The following KIAA1958 variants were observed in gnomAD, a reference collection of about 807,000 sequenced individuals.
KIAA1958 encodes uncharacterized protein KIAA1958.
A neutral mutation model predicts 47.2 loss-of-function variants in KIAA1958; 14 were observed. The observed-to-expected ratio is 0.30, with a 90% confidence interval of 0.20 to 0.46. KIAA1958 has a LOEUF of 0.46. Ranked by LOEUF, KIAA1958 falls within the 20% of genes least tolerant of loss-of-function variation. KIAA1958 has a pLI of 1.00. For synonymous variants in KIAA1958, 354 were observed against 353.3 expected (o/e 1.00, Z -0.02); for missense variants, 803 against 909.2 (o/e 0.88, Z 1.50).
chr9:112,536,937 A>G (rs7861352), intron 1 of KIAA1958, among the ~76,000 whole-genome samples: 151,204 of 152,258 alleles, frequency 0.99, 75,080 homozygotes, highest in East Asian at 1. Flanking sequence ...ATCTCAAATA[A>G]GAACAAGAAA....
chr9:112,528,108 C>G (rs760594170), intron 1 of KIAA1958, among the ~76,000 whole-genome samples: 3 of 152,144 alleles, frequency 2.0e-5, no homozygotes, highest in Non-Finnish European at 4.4e-5. Context: ...CAACCTTATA[C>G]TTGATCATTC....
intron 1 of KIAA1958, among the ~76,000 whole-genome samples, chr9:112,548,608 C>T (rs1474530255): frequency 2.0e-5 from 3 of 152,154 alleles, no homozygotes; most frequent in Non-Finnish European, 2.9e-5. Flanking sequence ...TTTTGAGCTA[C>T]TAGATTGTAA....
At chr9:112,522,895 T>C (rs1834574051) in intron 1 of KIAA1958, among the ~76,000 whole-genome samples, 1 of 152,226 alleles carries the variant, frequency 6.6e-6, no homozygotes, top group East Asian at 1.9e-4. Context: ...GACATCTACC[T>C]CTTGGGTTAC....
intron 1 of KIAA1958, among the ~76,000 whole-genome samples, chr9:112,528,591 T>TG (rs1415787409): frequency 6.6e-6 from 1 of 152,168 alleles, no homozygotes; most frequent in African/African-American, 2.4e-5. Flanking sequence ...GGCATGATCT[T>TG]GGCTCACTGC....
chr9:112,602,477 C>G (rs1214464479), intron 2 of KIAA1958, among the ~76,000 whole-genome samples: 1 of 152,060 alleles, frequency 6.6e-6, no homozygotes, highest in African/African-American at 2.4e-5. Flanking sequence ...AGTACAGTAC[C>G]TAATAGACAA....
intron 2 of KIAA1958, among the ~76,000 whole-genome samples, chr9:112,581,219 A>G (rs530876412): frequency 2.6e-5 from 4 of 152,212 alleles, no homozygotes; most frequent in Non-Finnish European, 4.4e-5. Context: ...TCTGCCTGTC[A>G]GGGTTATTGT....
rs747065793 is a variant in KIAA1958, at chr9:112,574,667, A to G, written c.587A>G (p.Asn196Ser). ...ACGCAGATGGTTGACGAATGCAGCAATGATGTCATCATCAAGAAAATCAAA... is the reference window on the plus strand; with the variant it reads ...ACGCAGATGGTTGACGAATGCAGCAGTGATGTCATCATCAAGAAAATCAAA... Reference protein sequence around the residue: ...SQTQMVDECSNDVIIKKIKQE... With the variant: ...SQTQMVDECSSDVIIKKIKQE... The change falls in exon 2 of 4, where the codon AAT becomes AGT. Residue 196 changes from asparagine to serine, a missense_variant. Around this residue, in one of 2 missense-constraint regions of KIAA1958, gnomAD observed 761 missense variants for 829.3 expected, o/e 0.92. Transcript: ENST00000337530. 6 of 1,614,178 alleles carry G rather than the reference A, an allele frequency of 3.7e-6. No homozygotes were observed. The highest frequency in any genetic ancestry group is 5.1e-6 in the Non-Finnish European group (6 of 1,180,024).
At chr9:112,636,364 G>A (rs1010561072) in intron 2 of KIAA1958, among the ~76,000 whole-genome samples, 1 of 151,968 alleles carries the variant, frequency 6.6e-6, no homozygotes, top group East Asian at 1.9e-4. Flanking sequence ...CTGAAGTTGT[G>A]TGTGTTGTTC....
chr9:112,565,987 T>A (rs187463220), intron 1 of KIAA1958, among the ~76,000 whole-genome samples: 2 of 152,324 alleles, frequency 1.3e-5, no homozygotes, highest in Admixed American at 1.3e-4. Context: ...CACTGCAAGC[T>A]CCGCCTCCCA....
In KIAA1958 at chr9:112,666,324, G is replaced by A. The variant is rs146042752; in HGVS notation, c.*6255G>A. On this transcript the variant is annotated 3_prime_UTR_variant, in exon 4 of 4. Transcript: ENST00000337530. ...TCTTTGGAGACTTACAAAGCAATAG[G>A]TTATATGAAACTCTGAGATCATCTA... 1.2e-3 allele frequency: 176 copies of A among 152,094 alleles called. No homozygotes were observed. Among genetic ancestry groups the A allele is most frequent in the African/African-American group, 4.0e-3 (166 of 41,476 alleles). 9.4% of individuals were successfully genotyped at this position (152,094 alleles called of 1,614,324 possible). A position where few individuals can be genotyped will look rare whatever the true frequency, so the allele number is the denominator to read the frequency against.
chr9:112,532,216 TG>T (rs1834762278), intron 1 of KIAA1958, among the ~76,000 whole-genome samples: 1 of 152,220 alleles, frequency 6.6e-6, no homozygotes, highest in Non-Finnish European at 1.5e-5. Flanking sequence ...GGGTCATATA[TG>T]GAAGATTATA....
intron 2 of KIAA1958, among the ~76,000 whole-genome samples, chr9:112,599,518 A>G (rs1461358944): frequency 1.3e-5 from 2 of 152,200 alleles, no homozygotes; most frequent in African/African-American, 4.8e-5. Context: ...ATTGAAAACA[A>G]TGGAACAACA....
At position 112,645,817 on chromosome 9, in the gene KIAA1958, A is replaced by G; in HGVS notation, c.1339A>G (p.Thr447Ala). 1.9e-6 allele frequency: 3 copies of G among 1,611,810 alleles called. No individual in the cohort carries two copies. The highest frequency in any genetic ancestry group is 1.7e-6 in the Non-Finnish European group (2 of 1,179,336). Residue 447 changes from threonine to alanine, a missense_variant, in exon 3 of 4, where the codon ACC becomes GCC. This residue lies in a region of KIAA1958 where 761 missense variants were observed against 829.3 expected (regional missense o/e 0.92). Transcript: ENST00000337530. ...TNGLKDHTDI[T>A]KIPAVKLNEL... ...CGGGCTCAAAGACCACACAGACATC[A>G]CCAAGGTAAGGGACTCTTGAGTTTA...
At chr9:112,559,798 ACTT>A (rs1835296438) in intron 1 of KIAA1958, among the ~76,000 whole-genome samples, 1 of 152,160 alleles carries the variant, frequency 6.6e-6, no homozygotes, top group Non-Finnish European at 1.5e-5. Context: ...TATTTACTAT[ACTT>A]CTTTGAGTGG....
chr9:112,580,317 A>C (rs1214009223), intron 2 of KIAA1958, among the ~76,000 whole-genome samples: 2 of 152,020 alleles, frequency 1.3e-5, no homozygotes, highest in Non-Finnish European at 2.9e-5. Flanking sequence ...AGATAAGAAG[A>C]GTTGTTACGT....
intron 2 of KIAA1958, among the ~76,000 whole-genome samples, chr9:112,632,562 G>A (rs532134465): frequency 1.3e-5 from 2 of 152,074 alleles, no homozygotes; most frequent in African/African-American, 4.8e-5. Context: ...TGATAATCTG[G>A]CAAATGAAAT....
At chr9:112,592,457 T>G (rs1835940966) in intron 2 of KIAA1958, among the ~76,000 whole-genome samples, 1 of 152,202 alleles carries the variant, frequency 6.6e-6, no homozygotes, top group Non-Finnish European at 1.5e-5. Context: ...TTGGGCAAAT[T>G]ACTTAAGCTT....
chr9:112,631,917 C>G (rs1257775457), intron 2 of KIAA1958, among the ~76,000 whole-genome samples: 1 of 152,016 alleles, frequency 6.6e-6, no homozygotes, highest in Non-Finnish European at 1.5e-5. Flanking sequence ...CAGTTTTTTG[C>G]TTTTATAACT....
In KIAA1958 at chr9:112,557,567, A is replaced by T. The variant is rs117232491; in HGVS notation, c.-24-16490A>T. Among the ~76,000 whole-genome samples, 5 of 152,298 alleles carry T rather than the reference A, an allele frequency of 3.3e-5. 1 individual carries two copies. The East Asian group carries it at 9.6e-4, about 29-fold the overall frequency. On this transcript the variant is annotated intron_variant, in intron 1 of 3. Transcript: ENST00000337530. ...AACATTAGGGTATATATCTCAGCTA[A>T]CCAGATTCACAGAGGTGGATGAAAG...
Sources: allele counts gnomAD v4.1 joint callset (sites outside exome capture counted in the v4.1 genomes callset), GRCh38; gene constraint gnomAD v4.1.1; regional missense constraint gnomAD v4.1.1; transcripts MANE v1.5; gene names NCBI Gene and HGNC (gene_info 2026-07-23, HGNC 2026-07-21).